The following CRYBB2 variants were observed in gnomAD, a reference collection of about 807,000 sequenced individuals.
CRYBB2 encodes crystallin beta B2.
Under a neutral mutation model 24.3 loss-of-function variants are expected in CRYBB2, and 12 were observed. The observed-to-expected ratio is 0.49, with a 90% CI of 0.32 to 0.80. The LOEUF (loss-of-function observed/expected upper bound fraction) is 0.80, where lower values mean the gene tolerates loss of function less well. Among genes scored for constraint, CRYBB2 ranks in the 30% least tolerant of loss-of-function variants. The pLI, the probability that CRYBB2 is intolerant of heterozygous loss-of-function variation, is 0.04. For synonymous variants in CRYBB2, 98 were observed against 101.6 expected (o/e 0.96, Z 0.21); for missense variants, 198 against 268.5 (o/e 0.74, Z 1.83).
intron 1 of CRYBB2, among the ~76,000 whole-genome samples, chr22:25,214,618 A>G (rs77052342): frequency 0.11 from 17,125 of 152,328 alleles, 1,094 homozygotes; most frequent in South Asian, 0.27. Flanking sequence ...TAAAAGCTAT[A>G]GTTACTGAGC....
At chr22:25,215,530 A>G (rs1442556275), upstream of CRYBB2, among the ~76,000 whole-genome samples, 1 of 151,494 alleles carries the variant, frequency 6.6e-6, no homozygotes, top group Non-Finnish European at 1.5e-5. Flanking sequence ...CCACATCTCC[A>G]TATTTCTGTG....
intron 4 of CRYBB2, 83 bp from the exon 5 acceptor site, chr22:25,229,353 A>G: frequency 2.0e-6 from 3 of 1,527,730 alleles, no homozygotes; most frequent in East Asian, 2.4e-5. Flanking sequence ...GCTGATCCCA[A>G]CTCTGGGGCA....
At chr22:25,212,147 CAAG>C (rs1477519577), upstream of CRYBB2, among the ~76,000 whole-genome samples, 6 of 152,152 alleles carry the variant, frequency 3.9e-5, no homozygotes, top group Admixed American at 3.3e-4. Flanking sequence ...CATTTTTTGA[CAAG>C]AAGGAGGGCA....
chr22:25,224,945 C>A lies in CRYBB2; in HGVS notation c.82C>A (p.Gln28Lys). 6.2e-7 allele frequency: 1 copy of A among 1,609,578 alleles called. No homozygotes were observed. The highest frequency in any genetic ancestry group is 8.5e-7 in the Non-Finnish European group (1 of 1,175,822). ...CATCATCTTTGAGCAGGAAAACTTTCAAGGCCACTCGCATGAGCTCAATGG... is the reference window on the plus strand; with the variant it reads ...CATCATCTTTGAGCAGGAAAACTTTAAAGGCCACTCGCATGAGCTCAATGG... ...KIIIFEQENFQGHSHELNGPC... is the reference protein window; with the variant it reads ...KIIIFEQENFKGHSHELNGPC... Residue 28 changes from glutamine to lysine, a missense_variant, in exon 3 of 6, where the codon CAA (glutamine) becomes AAA (lysine). Physicochemically the swap from Gln to Lys is moderately conservative, Grantham distance 53. Transcript: ENST00000398215.
chr22:25,219,900 G>C (rs141145277), intron 1 of CRYBB2, among the ~76,000 whole-genome samples: 1 of 152,080 alleles, frequency 6.6e-6, no homozygotes, highest in African/African-American at 2.4e-5. Context: ...GTGGGCATTG[G>C]GGCAATGTTC....
At chr22:25,218,767 GAGAGAGAGAGAGAAGA>G (rs1935244976), upstream of CRYBB2, among the ~76,000 whole-genome samples, 2 of 34,102 alleles carry the variant, frequency 5.9e-5, no homozygotes, top group South Asian at 1.4e-3. Context: ...GAGAGAGAGA[GAGAGAGAGAGAGAAGA>G]AAGAAAGAAA....
At chr22:25,211,785 G>A (rs562587166), upstream of CRYBB2, among the ~76,000 whole-genome samples, 25 of 152,320 alleles carry the variant, frequency 1.6e-4, no homozygotes, top group African/African-American at 5.3e-4. Flanking sequence ...AGTTATAAGC[G>A]AATGAGGTTT....
chr22:25,229,552 G>A lies in CRYBB2; in HGVS notation c.423G>A (p.Val141=). The A allele has an allele frequency of 6.2e-7, 1 of 1,614,280 alleles. No homozygotes were observed. The highest frequency in any genetic ancestry group is 8.5e-7 in the Non-Finnish European group (1 of 1,180,052). ...SFHAHGYQEK[V]SSVRVQSGTW... ...ACGCCCATGGCTACCAGGAGAAGGTGTCATCTGTGCGGGTGCAGAGTGGCA... is the reference window on the plus strand; with the variant it reads ...ACGCCCATGGCTACCAGGAGAAGGTATCATCTGTGCGGGTGCAGAGTGGCA... Residue 141 remains valine, a synonymous_variant, in exon 5 of 6, where the codon GTG becomes GTA. Coordinates refer to ENST00000398215, the MANE Select transcript of CRYBB2 (RefSeq NM_000496.3).
At chr22:25,222,226 C>A (rs1935333515) in intron 2 of CRYBB2, among the ~76,000 whole-genome samples, 1 of 152,182 alleles carries the variant, frequency 6.6e-6, no homozygotes, top group Admixed American at 6.5e-5. Context: ...GCCAGGGAAG[C>A]CTGAGCAGAT....
At chr22:25,215,482 C>G (rs1009189134), upstream of CRYBB2, among the ~76,000 whole-genome samples, 2 of 152,226 alleles carry the variant, frequency 1.3e-5, no homozygotes, top group Non-Finnish European at 2.9e-5. Context: ...GTTCGAGGCT[C>G]TCAGCTCTGA....
chr22:25,221,587 G>A (rs56191632), intron 2 of CRYBB2, 104 bp downstream of exon 2: 21 of 815,092 alleles, frequency 2.6e-5, no homozygotes, highest in Admixed American at 3.9e-5. Flanking sequence ...ACCCCCTCTC[G>A]ACCCCTGCCC....
rs1015917262 is a variant in CRYBB2 at position 25,228,106 on chromosome 22, C to T, written c.306+121C>T. The T allele has an allele frequency of 5.4e-6, 8 of 1,479,730 alleles. No individual in the cohort carries two copies. The African/African-American group carries it at 5.6e-5, about 10-fold the overall frequency. 91.7% of individuals were successfully genotyped at this position (1,479,730 alleles called of 1,614,324 possible). Reference sequence around the variant, plus strand: ...GGGCCCGCCCCTCTAGCACTGTGCCCCTTCTGATTGGTGAGGAACCTCCTC... The same window carrying T: ...GGGCCCGCCCCTCTAGCACTGTGCCTCTTCTGATTGGTGAGGAACCTCCTC... On this transcript the variant is annotated intron_variant, in intron 4 of 5. Coordinates refer to ENST00000398215, the MANE Select transcript of CRYBB2 (RefSeq NM_000496.3).
At chr22:25,218,716 GA>G (rs1569015842), upstream of CRYBB2, among the ~76,000 whole-genome samples, 4 of 79,320 alleles carry the variant, frequency 5.0e-5, no homozygotes, top group Non-Finnish European at 8.6e-5. Flanking sequence ...GGGAGAGAGA[GA>G]GAGAGAGAGA....
chr22:25,218,812 A>AAGAAAGAAAG (rs1935262691), upstream of CRYBB2, among the ~76,000 whole-genome samples: 3 of 133,274 alleles, frequency 2.3e-5, no homozygotes, highest in African/African-American at 8.9e-5. Flanking sequence ...GAAAGAAAGA[A>AAGAAAGAAAG]AGAAAGAAAG....
At chr22:25,223,303 C>T (rs912121521) in intron 2 of CRYBB2, among the ~76,000 whole-genome samples, 1 of 152,202 alleles carries the variant, frequency 6.6e-6, no homozygotes, top group Non-Finnish European at 1.5e-5. Context: ...TCCACTTATT[C>T]ACGTGGGATC....
chr22:25,218,174 G>A (rs1935207352), upstream of CRYBB2, among the ~76,000 whole-genome samples: 1 of 151,990 alleles, frequency 6.6e-6, no homozygotes. Flanking sequence ...GAGGAGAATG[G>A]TGTGAACACG....
chr22:25,218,818 GAAAGAA>G (rs1271945783), upstream of CRYBB2, among the ~76,000 whole-genome samples: 1 of 65,278 alleles, frequency 1.5e-5, no homozygotes, highest in African/African-American at 8.1e-5. Flanking sequence ...AAGAAAGAAA[GAAAGAA>G]AGAAAGAAAG....
chr22:25,222,161 C>T (rs1274236307), intron 2 of CRYBB2, among the ~76,000 whole-genome samples: 1 of 152,206 alleles, frequency 6.6e-6, no homozygotes, highest in African/African-American at 2.4e-5. Context: ...CTTTGGTAGC[C>T]CCGGGCACAG....
intron 3 of CRYBB2, 25 bp downstream of exon 3, chr22:25,225,061 G>A (rs761941547): frequency 8.0e-7 from 1 of 1,257,720 alleles, no homozygotes; most frequent in South Asian, 1.2e-5. Context: ...GGCCTCTCCT[G>A]GTCAGGGACT....
Sources: gnomAD v4.1 joint callset for allele counts (sites outside exome capture counted in the v4.1 genomes callset) on GRCh38, gnomAD v4.1.1 for gene constraint, MANE v1.5 for transcripts, NCBI Gene and HGNC (gene_info 2026-07-23, HGNC 2026-07-21) for gene names.